Variants in LPP observed in about 807,000 individuals in gnomAD.
LPP encodes the protein LIM domain containing preferred translocation partner in lipoma, also known as lipoma-preferred partner.
A neutral mutation model predicts 60.4 loss-of-function variants in LPP; 38 were observed. The observed-to-expected ratio is 0.63, with a 90% CI of 0.49 to 0.83. The LOEUF is 0.83. Ranked by LOEUF, LPP falls within the 40% of genes least tolerant of loss-of-function variation. The pLI is 0.00. For missense variants in LPP, 902 were observed against 783.6 expected (o/e 1.15, Z -1.80); for synonymous variants, 328 against 290.8 (o/e 1.13, Z -1.30).
chr3:188,674,800 T>C (rs1857658493), intron 7 of LPP, among the ~76,000 whole-genome samples: 1 of 152,192 alleles, frequency 6.6e-6, no homozygotes, highest in Admixed American at 6.6e-5. Flanking sequence ...ATCTCTGACT[T>C]CAAAGTCTAT....
chr3:188,538,100 A>G (rs780015530), intron 6 of LPP, among the ~76,000 whole-genome samples: 2 of 152,248 alleles, frequency 1.3e-5, no homozygotes, highest in Non-Finnish European at 2.9e-5. Flanking sequence ...GGATAAAACT[A>G]TACAACTTGT....
intron 7 of LPP, among the ~76,000 whole-genome samples, chr3:188,679,758 G>T (rs1044509128): frequency 6.6e-6 from 1 of 152,078 alleles, no homozygotes; most frequent in Non-Finnish European, 1.5e-5. Flanking sequence ...TTATTAAAAT[G>T]CATGGCATAT....
chr3:188,422,165 G>A (rs1274124358), intron 4 of LPP, among the ~76,000 whole-genome samples: 1 of 152,136 alleles, frequency 6.6e-6, no homozygotes, highest in Non-Finnish European at 1.5e-5. Flanking sequence ...GAAGAGTAGA[G>A]GTGGATCTTT....
chr3:188,241,311 A>T (rs1577489468), intron 2 of LPP, among the ~76,000 whole-genome samples: 1 of 152,136 alleles, frequency 6.6e-6, no homozygotes, highest in Admixed American at 6.5e-5. Flanking sequence ...CTGGGTATAA[A>T]CGCCTGTCCG....
intron 4 of LPP, among the ~76,000 whole-genome samples, chr3:188,412,919 C>T (rs1785229817): frequency 6.6e-6 from 1 of 152,052 alleles, no homozygotes; most frequent in Non-Finnish European, 1.5e-5. Flanking sequence ...TGCTAATCTA[C>T]CCATGAGTTT....
chr3:188,849,997 G>T (rs1046006649), intron 9 of LPP, among the ~76,000 whole-genome samples: 1 of 152,228 alleles, frequency 6.6e-6, no homozygotes, highest in African/African-American at 2.4e-5. Flanking sequence ...AGATGAGGAG[G>T]TTCTGACACA....
intron 4 of LPP, among the ~76,000 whole-genome samples, chr3:188,418,068 G>A (rs1252970512): frequency 6.6e-6 from 1 of 152,132 alleles, no homozygotes; most frequent in African/African-American, 2.4e-5. Context: ...AAATTTTAGA[G>A]CACTTTCTCA....
At chr3:188,521,984 C>A (rs1419695577) in intron 5 of LPP, among the ~76,000 whole-genome samples, 1 of 152,102 alleles carries the variant, frequency 6.6e-6, no homozygotes, top group Admixed American at 6.5e-5. Context: ...ACCAGGACCC[C>A]CATTACCCAG....
intron 8 of LPP, among the ~76,000 whole-genome samples, chr3:188,727,578 C>G (rs912578821): frequency 6.6e-6 from 1 of 152,110 alleles, no homozygotes; most frequent in Non-Finnish European, 1.5e-5. Context: ...ATGTAAAATT[C>G]TACACCAGAA....
At chr3:188,597,581 A>C (rs1337172901) in intron 6 of LPP, among the ~76,000 whole-genome samples, 2 of 152,126 alleles carry the variant, frequency 1.3e-5, no homozygotes, top group Non-Finnish European at 2.9e-5. Flanking sequence ...TAAGAAACCC[A>C]ATGTTTATAA....
chr3:188,427,631 G>A lies in LPP; in HGVS notation c.193+21318G>A, dbSNP rs898335889. ...TGCCCAGAGAGGAGGAATCTATAGC[G>A]GCAGTCTGTCTACAGTGCCTTTGTG... On this transcript the variant is annotated intron_variant, in intron 4 of 11. Transcript: ENST00000617246. 6.6e-5 allele frequency among the ~76,000 whole-genome samples: 10 copies of A among 152,264 alleles called. No individual in the cohort carries two copies. In the East Asian group the frequency reaches 9.7e-4, roughly 15 times the overall value.
At chr3:188,593,498 G>T (rs547204062) in intron 6 of LPP, among the ~76,000 whole-genome samples, 1 of 151,994 alleles carries the variant, frequency 6.6e-6, no homozygotes, top group Non-Finnish European at 1.5e-5. Flanking sequence ...GGTTACATTA[G>T]TAAGTTCTTT....
At chr3:188,404,956 T>G (rs1280710254) in intron 3 of LPP, among the ~76,000 whole-genome samples, 1 of 152,172 alleles carries the variant, frequency 6.6e-6, no homozygotes, top group African/African-American at 2.4e-5. Context: ...TGGCTTACCC[T>G]GACAGAGGAG....
chr3:188,657,424 C>T (rs887266491), intron 7 of LPP, among the ~76,000 whole-genome samples: 1 of 151,766 alleles, frequency 6.6e-6, no homozygotes, highest in East Asian at 1.9e-4. Flanking sequence ...ATTTGCTATA[C>T]TTGGCTTTCC....
rs1002359769 is a variant in LPP, at chr3:188,885,600, A to C, written c.*11121A>C. On this transcript the variant is annotated 3_prime_UTR_variant, in exon 12 of 12. Coordinates refer to ENST00000617246, the MANE Select transcript of LPP (RefSeq NM_001375462.1). ...TGTGAATAGTGCCGCAATAAACATA[A>C]GTGTGCATGTGTCTTTATAGCAGCA... 6.2e-6 allele frequency: 1 copy of C among 161,296 alleles called. No homozygotes were observed. The highest frequency in any genetic ancestry group is 2.4e-5 in the African/African-American group (1 of 41,724). The allele number at this position is 161,296 out of a possible 1,614,324, so 10.0% of individuals were successfully genotyped here.
chr3:188,569,977 C>G (rs4591495), intron 6 of LPP, among the ~76,000 whole-genome samples: 44,467 of 150,840 alleles, frequency 0.29, 6,805 homozygotes, highest in Middle Eastern at 0.34. Context: ...CTCAAATCTA[C>G]TTTAGTGGTA....
At chr3:188,154,745 T>A (rs1715679468) in intron 1 of LPP, among the ~76,000 whole-genome samples, 2 of 152,210 alleles carry the variant, frequency 1.3e-5, no homozygotes, top group Non-Finnish European at 1.5e-5. Flanking sequence ...TAAGCATTTC[T>A]CTAGCACCCT....
chr3:188,560,272 T>G (rs1371961832), intron 6 of LPP, among the ~76,000 whole-genome samples: 1 of 152,096 alleles, frequency 6.6e-6, no homozygotes, highest in Non-Finnish European at 1.5e-5. Flanking sequence ...ATCTCTGTGC[T>G]ATGCTACCAC....
chr3:188,779,214 T>C (rs1437825698), intron 9 of LPP, among the ~76,000 whole-genome samples: 1 of 152,164 alleles, frequency 6.6e-6, no homozygotes, highest in Non-Finnish European at 1.5e-5. Flanking sequence ...CCTCCCCTTC[T>C]GAAAAAGTAC....
Sources: allele counts gnomAD v4.1 joint callset (sites outside exome capture counted in the v4.1 genomes callset), GRCh38; gene constraint gnomAD v4.1.1; transcripts MANE v1.5; gene names NCBI Gene and HGNC (gene_info 2026-07-23, HGNC 2026-07-21).